Variants in PIK3AP1 observed in about 807,000 individuals in gnomAD.
PIK3AP1 encodes the protein phosphoinositide-3-kinase adaptor protein 1, also known as phosphoinositide 3-kinase adapter protein 1.
In PIK3AP1, 21 loss-of-function variants were observed where a neutral mutation model predicts 88.1. That is an observed-to-expected ratio of 0.24 (90% CI 0.17 to 0.34). The LOEUF is 0.34. Among genes scored for constraint, PIK3AP1 ranks in the 10% least tolerant of loss-of-function variants. The pLI, the probability that PIK3AP1 is intolerant of heterozygous loss-of-function variation, is 1.00. For synonymous variants in PIK3AP1, 398 were observed against 400.0 expected (o/e 1.00, Z 0.06); for missense variants, 828 against 1,035.7 (o/e 0.80, Z 2.75).
chr10:96,595,482 C>G lies in PIK3AP1; in HGVS notation c.*95G>C. On this transcript the variant is annotated 3_prime_UTR_variant, in exon 17 of 17. Transcript: ENST00000339364. ...CAATGAGAATGGATCTTAAGGTCAA[C>G]AGTCATGCTATAAAACTCAACATGA... The G allele has an allele frequency of 7.7e-7, 1 of 1,295,314 alleles. No homozygotes were observed. 80.2% of individuals were successfully genotyped at this position (1,295,314 alleles called of 1,614,324 possible). A position where few individuals can be genotyped will look rare whatever the true frequency, so the allele number is the denominator to read the frequency against.
chr10:96,651,766 A>C (rs1368090036), intron 4 of PIK3AP1, 115 bp from the exon 5 acceptor site: 1 of 1,254,414 alleles, frequency 8.0e-7, no homozygotes. Flanking sequence ...TGGGGGCTGG[A>C]AGAAAGATCT....
chr10:96,639,110 G>C (rs1445996971), intron 8 of PIK3AP1, among the ~76,000 whole-genome samples: 1 of 152,178 alleles, frequency 6.6e-6, no homozygotes, highest in African/African-American at 2.4e-5. Flanking sequence ...GAACATGAAA[G>C]AAAAGGCAGC....
chr10:96,716,118 A>C (rs1589554528), intron 1 of PIK3AP1, among the ~76,000 whole-genome samples: 2 of 150,850 alleles, frequency 1.3e-5, no homozygotes, highest in Admixed American at 6.6e-5. Context: ...CCAACTCTAC[A>C]AAAAAATACA....
chr10:96,641,960 C>T (rs1261892356), intron 8 of PIK3AP1, among the ~76,000 whole-genome samples: 1 of 152,192 alleles, frequency 6.6e-6, no homozygotes, highest in African/African-American at 2.4e-5. Context: ...TTGTCACCTA[C>T]AGAGCCACTG....
intron 8 of PIK3AP1, among the ~76,000 whole-genome samples, chr10:96,639,576 A>G (rs1843357588): frequency 2.0e-5 from 3 of 152,304 alleles, no homozygotes; most frequent in Admixed American, 2.0e-4. Context: ...TGTCCCCAAC[A>G]TAGTTCTTGT....
rs757263676 is a variant in PIK3AP1 at position 96,656,867 on chromosome 10, C to A, written c.498G>T (p.Gln166His). ...GTGAAGTCACCGTCGGCAGGTTCTG[C>A]TGCTTCGAGTAGGAAACAACCTTCT... The part of the protein sequence containing the change: ...EDEKVVSYSK[Q>H]QNLPTVTSPG... Residue 166 changes from glutamine (Q) to histidine (H), a missense_variant, in exon 3 of 17, where the codon CAG becomes CAT. By Grantham distance (24) the Gln-to-His change is conservative. Coordinates refer to ENST00000339364, the MANE Select transcript of PIK3AP1 (RefSeq NM_152309.3). 6.2e-7 allele frequency: 1 copy of A among 1,614,132 alleles called. No individual in the cohort carries two copies. Among genetic ancestry groups the A allele is most frequent in the Non-Finnish European group, 8.5e-7 (1 of 1,180,024 alleles).
intron 16 of PIK3AP1, among the ~76,000 whole-genome samples, chr10:96,599,033 A>C (rs1848834871): frequency 6.6e-6 from 1 of 152,192 alleles, no homozygotes; most frequent in African/African-American, 2.4e-5. Flanking sequence ...TCTGGCTGCA[A>C]TGTGGAGGAG....
intron 2 of PIK3AP1, among the ~76,000 whole-genome samples, chr10:96,684,360 T>C (rs529638397): frequency 6.6e-6 from 1 of 152,330 alleles, no homozygotes; most frequent in South Asian, 2.1e-4. Context: ...GGGATGCTGG[T>C]TTCCTCCCAG....
chr10:96,662,094 T>A (rs1843695841), intron 2 of PIK3AP1, among the ~76,000 whole-genome samples: 1 of 152,098 alleles, frequency 6.6e-6, no homozygotes, highest in Non-Finnish European at 1.5e-5. Context: ...ATTTAAAACT[T>A]TAGTAAACAA....
intron 13 of PIK3AP1, among the ~76,000 whole-genome samples, chr10:96,613,747 T>C (rs1360905313): frequency 2.0e-5 from 3 of 152,142 alleles, no homozygotes; most frequent in Non-Finnish European, 4.4e-5. Flanking sequence ...TTGTGATTCA[T>C]TCTGGATGGC....
intron 2 of PIK3AP1, among the ~76,000 whole-genome samples, chr10:96,701,672 G>T (rs1393429204): frequency 6.6e-6 from 1 of 152,176 alleles, no homozygotes; most frequent in African/African-American, 2.4e-5. Flanking sequence ...ATAAATAGCA[G>T]TAAGGAAGGC....
intron 8 of PIK3AP1, among the ~76,000 whole-genome samples, chr10:96,629,932 AGAAGAAGAAG>A (rs1465656395): frequency 1.3e-4 from 13 of 100,756 alleles, no homozygotes; most frequent in East Asian, 2.9e-4. Context: ...AAAAAAAAAA[AGAAGAAGAAG>A]AAGAAGAAGA....
At chr10:96,659,128 A>G (rs1843652999) in intron 2 of PIK3AP1, among the ~76,000 whole-genome samples, 1 of 150,492 alleles carries the variant, frequency 6.6e-6, no homozygotes, top group Non-Finnish European at 1.5e-5. Context: ...GACAATTCAC[A>G]CAGTCTTCTT....
chr10:96,595,759 C>A (rs557311534), intron 16 of PIK3AP1, 125 bp from the exon 17 acceptor site: 50 of 896,526 alleles, frequency 5.6e-5, no homozygotes, highest in Non-Finnish European at 8.3e-5. Flanking sequence ...AGACAGGACA[C>A]ACATATGAAT....
chr10:96,640,525 T>A (rs2134222796), intron 8 of PIK3AP1, among the ~76,000 whole-genome samples: 1 of 152,324 alleles, frequency 6.6e-6, no homozygotes, highest in South Asian at 2.1e-4. Context: ...GAGAAAAAGA[T>A]GAGGAGATAG....
At chr10:96,659,700 C>CA (rs1198781319) in intron 2 of PIK3AP1, among the ~76,000 whole-genome samples, 3,624 of 100,648 alleles carry the variant, frequency 0.036, 59 homozygotes, top group Admixed American at 0.065. Context: ...CTGTCTCTAC[C>CA]AAAAAAAAAA....
Position 96,668,052 on chromosome 10 carries a change from G to A in PIK3AP1, c.431-11118C>T, listed in dbSNP as rs183222690. Among the ~76,000 whole-genome samples the A allele has an allele frequency of 9.0e-4, 137 of 152,256 alleles. 1 individual carries two copies. Among genetic ancestry groups the A allele is most frequent in the African/African-American group, 3.1e-3 (127 of 41,554 alleles). On this transcript the variant is annotated intron_variant, in intron 2 of 16. Transcript: ENST00000339364. ...TAAAATATACTTACTTAGAAAATATGAATTGACTTAAAGAAAATATTAACT... is the reference window on the plus strand; with the variant it reads ...TAAAATATACTTACTTAGAAAATATAAATTGACTTAAAGAAAATATTAACT...
intron 2 of PIK3AP1, among the ~76,000 whole-genome samples, chr10:96,661,589 TG>T (rs903081771): frequency 6.6e-6 from 1 of 152,134 alleles, no homozygotes; most frequent in Non-Finnish European, 1.5e-5. Flanking sequence ...CACTTAATTT[TG>T]CTATGAACCT....
chr10:96,650,208 A>G (rs764624647), intron 6 of PIK3AP1, among the ~76,000 whole-genome samples: 14 of 152,218 alleles, frequency 9.2e-5, no homozygotes, highest in Admixed American at 3.3e-4. Flanking sequence ...AATACGAAAG[A>G]GAGTCCCCCA....
Sources: gnomAD v4.1 joint callset for allele counts (sites outside exome capture counted in the v4.1 genomes callset) on GRCh38, gnomAD v4.1.1 for gene constraint, MANE v1.5 for transcripts, NCBI Gene and HGNC (gene_info 2026-07-23, HGNC 2026-07-21) for gene names.